The following NTNG1 variants were observed in gnomAD, a reference collection of about 807,000 sequenced individuals.
NTNG1 encodes netrin G1.
In NTNG1, 16 loss-of-function variants were observed where a neutral mutation model predicts 54.0. The observed-to-expected ratio is 0.30, with a 90% CI of 0.20 to 0.45. The LOEUF (loss-of-function observed/expected upper bound fraction) is 0.45, where lower values mean the gene tolerates loss of function less well. NTNG1 is among the 20% of genes least tolerant of loss of function. The pLI, the probability that NTNG1 is intolerant of heterozygous loss-of-function variation, is 1.00. For synonymous variants in NTNG1, 255 were observed against 263.1 expected, an observed-to-expected ratio of 0.97 and a Z score of 0.30; for missense variants, 530 against 678.7, an observed-to-expected ratio of 0.78 and a Z score of 2.43.
At chr1:107,213,978 A>G (rs1659771665) in intron 2 of NTNG1, among the ~76,000 whole-genome samples, 1 of 152,092 alleles carries the variant, frequency 6.6e-6, no homozygotes, top group East Asian at 1.9e-4. Flanking sequence ...ATCCTTCATC[A>G]GACATATGTA....
rs146151596 is a variant in NTNG1 at position 107,337,965 on chromosome 1, C to T, written c.887+13043C>T. On this transcript the variant is annotated intron_variant, in intron 3 of 7. Coordinates refer to ENST00000370068, the MANE Select transcript of NTNG1 (RefSeq NM_001113226.3). ...CGGTGAAGCACAGAGAGCAAGGGAGCTTAAGGGGCAGATATAATAATAGTA... is the reference window on the plus strand; with the variant it reads ...CGGTGAAGCACAGAGAGCAAGGGAGTTTAAGGGGCAGATATAATAATAGTA... Among the ~76,000 whole-genome samples the T allele has an allele frequency of 4.1e-3, 626 of 152,018 alleles. 7 individuals are homozygous for T. Among genetic ancestry groups the T allele is most frequent in the African/African-American group, 0.014 (599 of 41,512 alleles).
At chr1:107,297,248 C>CATATATATATATATATATATATAT (rs1557878514) in intron 2 of NTNG1, among the ~76,000 whole-genome samples, 6 of 63,676 alleles carry the variant, frequency 9.4e-5, no homozygotes, top group Non-Finnish European at 1.2e-4. Flanking sequence ...TATATATATG[C>CATATATATATATATATATATATAT]GCACACACAC....
intron 3 of NTNG1, among the ~76,000 whole-genome samples, chr1:107,342,727 T>C (rs1447416112): frequency 6.6e-5 from 10 of 152,270 alleles, no homozygotes; most frequent in Non-Finnish European, 4.4e-5. Context: ...AAAACACTCG[T>C]AACACAGTCT....
chr1:107,155,483 A>G (rs1654918270), intron 2 of NTNG1, among the ~76,000 whole-genome samples: 1 of 152,024 alleles, frequency 6.6e-6, no homozygotes, highest in African/African-American at 2.4e-5. Flanking sequence ...AGATAGACAT[A>G]TATAGTAGCC....
chr1:107,432,592 A>C (rs1454541635), intron 6 of NTNG1, among the ~76,000 whole-genome samples: 1 of 152,194 alleles, frequency 6.6e-6, no homozygotes, highest in Non-Finnish European at 1.5e-5. Flanking sequence ...CTGAATTTTG[A>C]AGGCAGAGTA....
At chr1:107,351,236 T>C (rs1669577964) in intron 3 of NTNG1, among the ~76,000 whole-genome samples, 1 of 152,176 alleles carries the variant, frequency 6.6e-6, no homozygotes, top group Non-Finnish European at 1.5e-5. Flanking sequence ...CACAATAAAG[T>C]CCATGACCCA....
intron 2 of NTNG1, among the ~76,000 whole-genome samples, chr1:107,177,774 G>A (rs1292046636): frequency 2.6e-5 from 4 of 152,152 alleles, no homozygotes; most frequent in Non-Finnish European, 5.9e-5. Context: ...TTTTAGATCA[G>A]TTATATAAAT....
chr1:107,245,524 C>A (rs374734678), intron 2 of NTNG1, among the ~76,000 whole-genome samples: 35 of 152,266 alleles, frequency 2.3e-4, no homozygotes, highest in African/African-American at 7.7e-4. Context: ...GTTTAATTTG[C>A]TTTTCTCCAT....
At chr1:107,311,298 T>C (rs1180235961) in intron 2 of NTNG1, among the ~76,000 whole-genome samples, 1 of 152,112 alleles carries the variant, frequency 6.6e-6, no homozygotes, top group Non-Finnish European at 1.5e-5. Context: ...ATGCTGTGGA[T>C]TGGATAAATA....
chr1:107,349,419 T>A (rs879639417), intron 3 of NTNG1, among the ~76,000 whole-genome samples: 2 of 152,146 alleles, frequency 1.3e-5, no homozygotes, highest in Non-Finnish European at 2.9e-5. Context: ...ATACAAAGAA[T>A]GTATGTAGAA....
intron 3 of NTNG1, among the ~76,000 whole-genome samples, chr1:107,377,403 T>G (rs1671355860): frequency 2.6e-5 from 4 of 152,220 alleles, no homozygotes; most frequent in Admixed American, 2.6e-4. Context: ...TGAGGATAAT[T>G]GTCTGAGAAG....
chr1:107,271,061 A>G (rs1664111543), intron 2 of NTNG1, among the ~76,000 whole-genome samples: 1 of 152,330 alleles, frequency 6.6e-6, no homozygotes, highest in South Asian at 2.1e-4. Flanking sequence ...CACAAAAAGT[A>G]GAAAACAATA....
chr1:107,176,441 G>A (rs1656655698), intron 2 of NTNG1, among the ~76,000 whole-genome samples: 1 of 152,194 alleles, frequency 6.6e-6, no homozygotes, highest in Admixed American at 6.5e-5. Context: ...TAACTCAGTT[G>A]CATTCATCCT....
chr1:107,145,646 T>C (rs565042068), intron 1 of NTNG1, among the ~76,000 whole-genome samples: 2 of 152,224 alleles, frequency 1.3e-5, no homozygotes, highest in Non-Finnish European at 2.9e-5. Flanking sequence ...ATAATATGTC[T>C]GTAATGTAAT....
intron 5 of NTNG1, chr1:107,408,953 G>A (rs1263866918): frequency 1.3e-5 from 2 of 152,180 alleles, no homozygotes; most frequent in African/African-American, 4.8e-5. Flanking sequence ...GTTTACTTGA[G>A]CTTGTGAATA....
chr1:107,339,470 A>C (rs1175722193), intron 3 of NTNG1, among the ~76,000 whole-genome samples: 1 of 152,118 alleles, frequency 6.6e-6, no homozygotes, highest in Non-Finnish European at 1.5e-5. Context: ...GAAAGTGAGA[A>C]ATATACTATA....
At chr1:107,168,753 A>C (rs1655998982) in intron 2 of NTNG1, among the ~76,000 whole-genome samples, 1 of 152,142 alleles carries the variant, frequency 6.6e-6, no homozygotes, top group African/African-American at 2.4e-5. Context: ...CTTAACCATA[A>C]AGGGCTGATT....
chr1:107,452,281 A>G (rs1228004844), intron 7 of NTNG1, among the ~76,000 whole-genome samples: 2 of 152,176 alleles, frequency 1.3e-5, no homozygotes, highest in Non-Finnish European at 2.9e-5. Context: ...AAACCTGTAA[A>G]TGGAAATTCT....
At chr1:107,244,678 G>A (rs939970176) in intron 2 of NTNG1, among the ~76,000 whole-genome samples, 1 of 152,112 alleles carries the variant, frequency 6.6e-6, no homozygotes, top group Non-Finnish European at 1.5e-5. Flanking sequence ...TCTCCTGCCA[G>A]CTCAAGGTGT....
Sources: gnomAD v4.1 joint callset for allele counts (sites outside exome capture counted in the v4.1 genomes callset) on GRCh38, gnomAD v4.1.1 for gene constraint, MANE v1.5 for transcripts, NCBI Gene and HGNC (gene_info 2026-07-23, HGNC 2026-07-21) for gene names.